The following MLLT3 variants were observed in gnomAD, a reference collection of about 807,000 sequenced individuals.
The protein encoded by MLLT3 is protein AF-9.
In MLLT3, 4 loss-of-function variants were observed where a neutral mutation model predicts 53.2. That is an observed-to-expected ratio of 0.08 (90% CI 0.04 to 0.17). MLLT3 has a LOEUF of 0.17. Ranked by LOEUF, MLLT3 falls within the 10% of genes least tolerant of loss-of-function variation. The pLI is 1.00. For synonymous variants in MLLT3, 283 were observed against 230.6 expected (o/e 1.23, Z -2.06); for missense variants, 569 against 684.0 (o/e 0.83, Z 1.87).
chr9:20,360,736 ATT>A lies in MLLT3; in HGVS notation c.1431+4_1431+5del. 6.2e-7 allele frequency: 1 copy of A among 1,612,406 alleles called. No homozygotes were observed. Among genetic ancestry groups the A allele is most frequent in the Non-Finnish European group, 8.5e-7 (1 of 1,178,438 alleles). On this transcript the variant is annotated splice_donor_5th_base_variant and intron_variant, in intron 8 of 10. Transcript: ENST00000380338. ...AGTCTTGCAAAGTGCAAACCCCACA[ATT>A]TACCTGGTTGTTGTTGGTTTTTAGT...
chr9:20,403,644 C>T (rs1298065459), intron 5 of MLLT3, among the ~76,000 whole-genome samples: 1 of 152,150 alleles, frequency 6.6e-6, no homozygotes, highest in Non-Finnish European at 1.5e-5. Context: ...CATCAGATAA[C>T]TTAGCACTTT....
rs188590794 is a variant in MLLT3 at position 20,426,777 on chromosome 9, G to A, written c.421-12352C>T. 2.9e-3 allele frequency among the ~76,000 whole-genome samples: 440 copies of A among 151,962 alleles called. 3 individuals carry two copies. The highest frequency in any genetic ancestry group is 1.0e-2 in the African/African-American group (413 of 41,454). On this transcript the variant is annotated intron_variant, in intron 4 of 10. Transcript: ENST00000380338. ...TACAACAAAACTTCATTGCTGGGCC[G>A]TTAAAAAAATAAAGAAAAAGTTCAA...
intron 2 of MLLT3, among the ~76,000 whole-genome samples, chr9:20,463,366 T>C (rs532208461): frequency 6.6e-6 from 1 of 152,260 alleles, no homozygotes; most frequent in South Asian, 2.1e-4. Context: ...GCAAAGCCCA[T>C]GTAGCTGAGG....
Position 20,538,234 on chromosome 9 carries a change from C to T in MLLT3, c.194-81448G>A, listed in dbSNP as rs550864326. Among the ~76,000 whole-genome samples the T allele has an allele frequency of 2.3e-4, 35 of 152,188 alleles. No homozygotes were observed. In the South Asian group the frequency reaches 6.7e-3, roughly 29 times the overall value. On this transcript the variant is annotated intron_variant, in intron 2 of 10. Transcript: ENST00000380338. ...ACATTGAAATAGCACTTAATGAGTG[C>T]CAAGCACTGTGTTTAATCCAATTAA...
Position 20,621,655 on chromosome 9 carries a change from G to A in MLLT3, c.12+590C>T. On this transcript the variant is annotated intron_variant, in intron 1 of 10. Transcript: ENST00000380338. This position sits in a 1 kb window ranked among gnomAD's most constrained non-coding sequence, Gnocchi z 7.0. ...AGAAAGGCAGGGCGGCGGGCGGACA[G>A]CCGCCGAGCCTCGGCTCGCGCTCAG... 2.0e-6 allele frequency: 2 copies of A among 1,025,460 alleles called. No individual in the cohort carries two copies. Among genetic ancestry groups the A allele is most frequent in the South Asian group, 1.7e-5 (1 of 58,542 alleles). The allele number at this position is 1,025,460 out of a possible 1,614,324, so 63.5% of individuals were successfully genotyped here.
At position 20,616,869 on chromosome 9, in the gene MLLT3, G is replaced by A. The variant is rs181346746; in HGVS notation, c.193+3785C>T. Reference sequence around the variant, plus strand: ...TTTGTGTACTTGTGAGAACATATTTGTCAGAAAATTCCTAGAAGTAAATTT... The same window carrying A: ...TTTGTGTACTTGTGAGAACATATTTATCAGAAAATTCCTAGAAGTAAATTT... On this transcript the variant is annotated intron_variant, in intron 2 of 10. Transcript: ENST00000380338. 1.2e-4 allele frequency among the ~76,000 whole-genome samples: 18 copies of A among 152,174 alleles called. No homozygotes were observed. In the East Asian group the frequency reaches 3.1e-3, roughly 26 times the overall value.
intron 2 of MLLT3, among the ~76,000 whole-genome samples, chr9:20,552,858 T>C (rs113949262): frequency 1.3e-5 from 2 of 152,160 alleles, no homozygotes; most frequent in South Asian, 4.1e-4. Context: ...AGGTCCCAAA[T>C]AAAAAACCAC....
At chr9:20,491,210 A>C (rs932529425) in intron 2 of MLLT3, among the ~76,000 whole-genome samples, 1 of 152,120 alleles carries the variant, frequency 6.6e-6, no homozygotes, top group African/African-American at 2.4e-5. Context: ...AAAAATCAAG[A>C]GCAATACTTT....
chr9:20,463,815 T>A (rs1440916503), intron 2 of MLLT3, among the ~76,000 whole-genome samples: 2 of 152,178 alleles, frequency 1.3e-5, no homozygotes, highest in African/African-American at 2.4e-5. Context: ...AGTTAAACCT[T>A]GGGCAAAATA....
At chr9:20,616,339 T>A (rs1035584083) in intron 2 of MLLT3, among the ~76,000 whole-genome samples, 1 of 152,210 alleles carries the variant, frequency 6.6e-6, no homozygotes, top group African/African-American at 2.4e-5. Context: ...ACCCAAGATA[T>A]TAAAGATCAC....
intron 5 of MLLT3, among the ~76,000 whole-genome samples, chr9:20,404,263 T>C (rs2118752776): frequency 6.6e-6 from 1 of 152,350 alleles, no homozygotes; most frequent in East Asian, 1.9e-4. Context: ...TCATGGATTA[T>C]AAATCACTAG....
chr9:20,346,985 T>A (rs906681367), intron 10 of MLLT3, among the ~76,000 whole-genome samples: 2 of 144,644 alleles, frequency 1.4e-5, no homozygotes, highest in Non-Finnish European at 3.0e-5. Context: ...TTTACTTAAG[T>A]ACAAACACAT....
In MLLT3 at chr9:20,405,602, T is replaced by C. The variant is rs115440041; in HGVS notation, c.1125+8119A>G. Among the ~76,000 whole-genome samples, 1,183 of 152,294 alleles carry C rather than the reference T, an allele frequency of 7.8e-3. 14 individuals are homozygous for C. Among genetic ancestry groups the C allele is most frequent in the African/African-American group, 0.027 (1,123 of 41,554 alleles). On this transcript the variant is annotated intron_variant, in intron 5 of 10. Coordinates refer to ENST00000380338, the MANE Select transcript of MLLT3 (RefSeq NM_004529.4). Reference sequence around the variant, plus strand: ...TATCTTACCTATTGTATAGATTAAGTAAGAAGATATAAAATAAAAGAGTCC... The same window carrying C: ...TATCTTACCTATTGTATAGATTAAGCAAGAAGATATAAAATAAAAGAGTCC...
chr9:20,431,074 T>G (rs1247386131), intron 4 of MLLT3, among the ~76,000 whole-genome samples: 1 of 151,988 alleles, frequency 6.6e-6, no homozygotes, highest in South Asian at 2.1e-4. Flanking sequence ...GACAAGAAAA[T>G]AGAACAATGA....
chr9:20,558,964 C>G (rs1466054703), intron 2 of MLLT3, among the ~76,000 whole-genome samples: 1 of 152,134 alleles, frequency 6.6e-6, no homozygotes, highest in African/African-American at 2.4e-5. Flanking sequence ...TCTGAATCAC[C>G]CTGACGGCTG....
At chr9:20,436,225 G>A (rs906359926) in intron 4 of MLLT3, among the ~76,000 whole-genome samples, 1 of 152,080 alleles carries the variant, frequency 6.6e-6, no homozygotes, top group Non-Finnish European at 1.5e-5. Flanking sequence ...TAACCTTGCT[G>A]TTCAACTGAG....
chr9:20,532,785 G>T, intron 2 of MLLT3: 1 of 261,722 alleles, frequency 3.8e-6, no homozygotes, highest in South Asian at 6.1e-5. Context: ...AGCACTTCCT[G>T]AGATTATTAA....
chr9:20,615,360 G>GGAA (rs1820803780), intron 2 of MLLT3, among the ~76,000 whole-genome samples: 3 of 48,758 alleles, frequency 6.2e-5, no homozygotes, highest in African/African-American at 1.4e-4. Flanking sequence ...CAGACCATGT[G>GGAA]AAAAAAAAAA....
At chr9:20,559,985 C>T (rs1369643356) in intron 2 of MLLT3, among the ~76,000 whole-genome samples, 3 of 152,164 alleles carry the variant, frequency 2.0e-5, no homozygotes, top group Non-Finnish European at 4.4e-5. Context: ...CCACTGGTTT[C>T]TTCAGATATA....
Sources: allele counts gnomAD v4.1 joint callset (sites outside exome capture counted in the v4.1 genomes callset), GRCh38; gene constraint gnomAD v4.1.1; non-coding constraint Gnocchi (gnomAD v3.1); transcripts MANE v1.5; gene names NCBI Gene and HGNC (gene_info 2026-07-23, HGNC 2026-07-21).